The following SCAPER variants were observed in gnomAD, a reference collection of about 807,000 sequenced individuals.
SCAPER encodes S-phase cyclin A associated protein in the ER.
A neutral mutation model predicts 182.2 loss-of-function variants in SCAPER; 98 were observed. The ratio of observed to expected loss-of-function variants is 0.54; its 90% CI spans 0.46 to 0.64. The LOEUF is 0.64. SCAPER is among the 30% of genes least tolerant of loss of function. SCAPER has a pLI of 0.00. For missense variants in SCAPER, 1,432 were observed against 1,690.0 expected, an observed-to-expected ratio of 0.85 and a Z score of 2.68; for synonymous variants, 605 against 564.6, an observed-to-expected ratio of 1.07 and a Z score of -1.01.
chr15:76,440,101 A>G (rs771392288), intron 25 of SCAPER, among the ~76,000 whole-genome samples: 5 of 152,234 alleles, frequency 3.3e-5, no homozygotes, highest in Non-Finnish European at 7.3e-5. Context: ...AGATATAGAA[A>G]AAAATCTTAG....
intron 22 of SCAPER, among the ~76,000 whole-genome samples, chr15:76,612,259 C>T (rs960026187): frequency 6.6e-6 from 1 of 152,052 alleles, no homozygotes; most frequent in African/African-American, 2.4e-5. Flanking sequence ...TTTTTTGAGA[C>T]AGGGTTTCAC....
intron 8 of SCAPER, among the ~76,000 whole-genome samples, chr15:76,790,877 G>A (rs551319353): frequency 4.6e-5 from 7 of 151,862 alleles, no homozygotes; most frequent in South Asian, 4.2e-4. Context: ...TTCTAACTTC[G>A]TGAAATGAAC....
At chr15:76,424,908 T>A (rs143389044) in intron 26 of SCAPER, among the ~76,000 whole-genome samples, 2,560 of 152,286 alleles carry the variant, frequency 0.017, 76 homozygotes, top group African/African-American at 0.057. Context: ...AAATTCTGGG[T>A]TGAAAATTCT....
intron 4 of SCAPER, among the ~76,000 whole-genome samples, chr15:76,844,101 C>A (rs918798646): frequency 2.0e-5 from 3 of 151,982 alleles, no homozygotes; most frequent in African/African-American, 7.3e-5. Context: ...AGCCAGAATT[C>A]TTAATCGGGT....
At chr15:76,421,765 T>G (rs1427738593) in intron 26 of SCAPER, among the ~76,000 whole-genome samples, 1 of 152,360 alleles carries the variant, frequency 6.6e-6, no homozygotes, top group Admixed American at 6.5e-5. Flanking sequence ...GTCTAACATG[T>G]AAGTCTTTAA....
chr15:76,423,670 T>A (rs895726302), intron 26 of SCAPER, among the ~76,000 whole-genome samples: 2 of 152,206 alleles, frequency 1.3e-5, no homozygotes, highest in African/African-American at 4.8e-5. Context: ...AGCTTTTGAA[T>A]GTGTTTGCTC....
At chr15:76,765,151 A>G in intron 13 of SCAPER, 79 bp from the exon 14 acceptor site, 1 of 1,145,512 alleles carries the variant, frequency 8.7e-7, no homozygotes, top group Non-Finnish European at 1.2e-6. Context: ...TAGACTTCAT[A>G]GTTCTTAAAG....
At chr15:76,817,363 A>G (rs1175719198) in intron 5 of SCAPER, among the ~76,000 whole-genome samples, 1 of 152,188 alleles carries the variant, frequency 6.6e-6, no homozygotes, top group East Asian at 1.9e-4. Flanking sequence ...TAATCTAAAC[A>G]AAGTCGAATA....
intron 22 of SCAPER, among the ~76,000 whole-genome samples, chr15:76,585,742 T>C (rs376447995): frequency 3.3e-5 from 5 of 152,146 alleles, no homozygotes; most frequent in African/African-American, 1.2e-4. Context: ...CCCTGTCTCA[T>C]TCCCTGCCTT....
intron 14 of SCAPER, among the ~76,000 whole-genome samples, chr15:76,757,632 G>C (rs2062530098): frequency 6.6e-6 from 1 of 152,124 alleles, no homozygotes; most frequent in Admixed American, 6.5e-5. Context: ...CCCAGAAGAA[G>C]AACTGCTGAT....
At chr15:76,560,316 C>T (rs2046518336) in intron 23 of SCAPER, among the ~76,000 whole-genome samples, 4 of 152,180 alleles carry the variant, frequency 2.6e-5, no homozygotes, top group Admixed American at 2.6e-4. Flanking sequence ...GGTGAACTCA[C>T]ACAGCTACTA....
At chr15:76,433,213 A>G (rs1302941448) in intron 26 of SCAPER, among the ~76,000 whole-genome samples, 1 of 152,176 alleles carries the variant, frequency 6.6e-6, no homozygotes, top group Non-Finnish European at 1.5e-5. Flanking sequence ...TCACATATCT[A>G]AATATCAAGA....
intron 22 of SCAPER, among the ~76,000 whole-genome samples, chr15:76,618,740 A>G (rs1353101711): frequency 2.0e-5 from 3 of 152,266 alleles, no homozygotes; most frequent in East Asian, 3.8e-4. Flanking sequence ...TTAAAAGTAA[A>G]TATGTATTTC....
intron 25 of SCAPER, among the ~76,000 whole-genome samples, chr15:76,452,453 A>C (rs1292299819): frequency 6.6e-6 from 1 of 152,242 alleles, no homozygotes; most frequent in Non-Finnish European, 1.5e-5. Context: ...GTATACACTG[A>C]ATAGCTGTCA....
At chr15:76,458,989 G>C (rs2048949706) in intron 25 of SCAPER, among the ~76,000 whole-genome samples, 1 of 152,010 alleles carries the variant, frequency 6.6e-6, no homozygotes, top group Admixed American at 6.5e-5. Flanking sequence ...TGACCTCCTG[G>C]GCTCAAGCAA....
intron 5 of SCAPER, among the ~76,000 whole-genome samples, chr15:76,835,303 A>G (rs1267788536): frequency 6.6e-6 from 1 of 152,136 alleles, no homozygotes; most frequent in Non-Finnish European, 1.5e-5. Context: ...TGAACAATAT[A>G]CTAGCAAACA....
At chr15:76,604,725 T>C (rs1159546142) in intron 22 of SCAPER, among the ~76,000 whole-genome samples, 5 of 152,092 alleles carry the variant, frequency 3.3e-5, no homozygotes, top group African/African-American at 7.2e-5. Flanking sequence ...GTAGTTCTCC[T>C]TGAAGAGGTC....
intron 27 of SCAPER, among the ~76,000 whole-genome samples, chr15:76,402,110 G>C (rs967281630): frequency 7.9e-5 from 12 of 152,266 alleles, no homozygotes; most frequent in Admixed American, 1.3e-4. Context: ...CTGGGCGACA[G>C]AGTGAGTAAG....
intron 22 of SCAPER, among the ~76,000 whole-genome samples, chr15:76,615,083 T>A (rs1290424682): frequency 6.6e-6 from 1 of 152,022 alleles, no homozygotes; most frequent in South Asian, 2.1e-4. Context: ...ATAGAAGACC[T>A]AAAAGACATA....
Sources: allele counts gnomAD v4.1 joint callset (sites outside exome capture counted in the v4.1 genomes callset), GRCh38; gene constraint gnomAD v4.1.1; transcripts MANE v1.5; gene names NCBI Gene and HGNC (gene_info 2026-07-23, HGNC 2026-07-21).